ADGRL3: variants seen among roughly 807,000 people sequenced by gnomAD.
The protein encoded by ADGRL3 is adhesion G protein-coupled receptor L3, also known as calcium-independent alpha-latrotoxin receptor 3.
In ADGRL3, 62 loss-of-function variants were observed where a neutral mutation model predicts 153.5. The ratio of observed to expected loss-of-function variants is 0.40; its 90% CI spans 0.33 to 0.50. ADGRL3 has a LOEUF of 0.50. Ranked by LOEUF, ADGRL3 falls within the 20% of genes least tolerant of loss-of-function variation. The pLI is 0.47. For synonymous variants in ADGRL3, 710 were observed against 672.5 expected, an observed-to-expected ratio of 1.06 and a Z score of -0.86; for missense variants, 1,641 against 1,859.4, an observed-to-expected ratio of 0.88 and a Z score of 2.16.
intron 5 of ADGRL3, among the ~76,000 whole-genome samples, chr4:61,669,948 C>T (rs561512701): frequency 6.6e-6 from 1 of 152,144 alleles, no homozygotes; most frequent in Non-Finnish European, 1.5e-5. Flanking sequence ...GGTTTATTAA[C>T]CTAGAACCCC....
At chr4:61,414,659 T>A (rs947489341) in intron 2 of ADGRL3, among the ~76,000 whole-genome samples, 3 of 151,922 alleles carry the variant, frequency 2.0e-5, no homozygotes, top group Non-Finnish European at 4.4e-5. Flanking sequence ...AGTCAAAATA[T>A]GAGAATTGCT....
At chr4:61,469,413 C>G (rs570794945) in intron 2 of ADGRL3, among the ~76,000 whole-genome samples, 1 of 152,156 alleles carries the variant, frequency 6.6e-6, no homozygotes, top group South Asian at 2.1e-4. Flanking sequence ...GAAGCCATTT[C>G]TGACTAAGTA....
At chr4:61,994,926 T>TG (rs1291548984) in intron 19 of ADGRL3, among the ~76,000 whole-genome samples, 1 of 151,852 alleles carries the variant, frequency 6.6e-6, no homozygotes, top group East Asian at 1.9e-4. Context: ...CTTTTTTTTT[T>TG]TTTTGAGACA....
intron 8 of ADGRL3, among the ~76,000 whole-genome samples, chr4:61,795,844 ACTT>A (rs897481872): frequency 1.8e-4 from 27 of 151,998 alleles, no homozygotes; most frequent in African/African-American, 6.5e-4. Context: ...CTCATATCCT[ACTT>A]CTTTTTGTTT....
At chr4:61,219,069 A>G (rs572178102) in intron 1 of ADGRL3, among the ~76,000 whole-genome samples, 2 of 152,302 alleles carry the variant, frequency 1.3e-5, no homozygotes, top group South Asian at 2.1e-4. Context: ...ACTGCTTCTC[A>G]GCTAAGCAGC....
Position 61,353,500 on chromosome 4 carries a change from G to A in ADGRL3, c.-239-29624G>A, listed in dbSNP as rs190141804. Among the ~76,000 whole-genome samples the A allele has an allele frequency of 4.4e-3, 672 of 151,768 alleles. 3 individuals carry two copies. The highest frequency in any genetic ancestry group is 0.033 in the South Asian group (159 of 4,808). ...ATACATATATGTAAAAAGGCTATTA[G>A]TCTGTTCTCTGTTTTATCTAAAAGA... On this transcript the variant is annotated intron_variant, in intron 1 of 26. Transcript: ENST00000683033.
chr4:61,519,234 A>G (rs2098515725), intron 4 of ADGRL3, among the ~76,000 whole-genome samples: 1 of 152,182 alleles, frequency 6.6e-6, no homozygotes, highest in South Asian at 2.1e-4. Flanking sequence ...CCCAGTTTTT[A>G]TAGCTTAATA....
At chr4:61,348,845 T>C (rs1279244571) in intron 1 of ADGRL3, among the ~76,000 whole-genome samples, 2 of 152,040 alleles carry the variant, frequency 1.3e-5, no homozygotes, top group African/African-American at 4.8e-5. Context: ...TGTGTTTTAC[T>C]GCAATAGTTA....
intron 6 of ADGRL3, among the ~76,000 whole-genome samples, chr4:61,711,532 C>T (rs1228760443): frequency 8.4e-6 from 1 of 118,878 alleles, no homozygotes; most frequent in African/African-American, 3.2e-5. Flanking sequence ...GATTGTAGAA[C>T]TGTTAAAAGA....
intron 23 of ADGRL3, among the ~76,000 whole-genome samples, chr4:62,036,189 G>A (rs911566627): frequency 2.6e-5 from 4 of 152,118 alleles, no homozygotes; most frequent in African/African-American, 9.7e-5. Flanking sequence ...TGCCATACCA[G>A]AGCAGAGAAA....
intron 1 of ADGRL3, among the ~76,000 whole-genome samples, chr4:61,373,251 ACT>A (rs961760010): frequency 1.3e-5 from 2 of 151,402 alleles, no homozygotes; most frequent in Non-Finnish European, 3.0e-5. Context: ...GGCTCCTCTA[ACT>A]CTGTCGCTTT....
chr4:61,265,117 A>G (rs1356942032), intron 1 of ADGRL3, among the ~76,000 whole-genome samples: 1 of 151,990 alleles, frequency 6.6e-6, no homozygotes, highest in Admixed American at 6.6e-5. Flanking sequence ...GATGATCAGT[A>G]GTAGGTGTTA....
At chr4:61,487,807 A>G (rs2098213810) in intron 2 of ADGRL3, among the ~76,000 whole-genome samples, 3 of 152,076 alleles carry the variant, frequency 2.0e-5, no homozygotes. Flanking sequence ...CTATCTTACC[A>G]ATTGTATATA....
At chr4:62,015,128 C>T (rs1365883192) in intron 21 of ADGRL3, among the ~76,000 whole-genome samples, 1 of 152,188 alleles carries the variant, frequency 6.6e-6, no homozygotes, top group Non-Finnish European at 1.5e-5. Context: ...TCTTGAGCCG[C>T]TCAGTCCTCA....
intron 2 of ADGRL3, among the ~76,000 whole-genome samples, chr4:61,470,935 G>C (rs1269300428): frequency 6.6e-6 from 1 of 151,792 alleles, no homozygotes; most frequent in Non-Finnish European, 1.5e-5. Flanking sequence ...AAGTTGCAAA[G>C]AATATATTTT....
chr4:61,704,130 T>C (rs2095815655), intron 6 of ADGRL3, among the ~76,000 whole-genome samples: 1 of 152,168 alleles, frequency 6.6e-6, no homozygotes, highest in Admixed American at 6.5e-5. Flanking sequence ...TAATTGCTAA[T>C]GAAGTTCATG....
At chr4:61,370,996 G>T (rs1356285677) in intron 1 of ADGRL3, among the ~76,000 whole-genome samples, 1 of 150,946 alleles carries the variant, frequency 6.6e-6, no homozygotes, top group African/African-American at 2.4e-5. Context: ...GGCCTTCTTT[G>T]TCTCTTTTGA....
intron 2 of ADGRL3, among the ~76,000 whole-genome samples, chr4:61,476,336 T>C (rs2098051800): frequency 6.6e-6 from 1 of 152,030 alleles, no homozygotes; most frequent in Non-Finnish European, 1.5e-5. Flanking sequence ...CAAGCAATTC[T>C]CATGCCTCAG....
intron 4 of ADGRL3, among the ~76,000 whole-genome samples, chr4:61,548,186 T>C (rs1487207498): frequency 6.6e-6 from 1 of 152,144 alleles, no homozygotes; most frequent in African/African-American, 2.4e-5. Context: ...TATTAGACCT[T>C]TGTCAGATGC....
Sources: allele counts gnomAD v4.1 joint callset (sites outside exome capture counted in the v4.1 genomes callset), GRCh38; gene constraint gnomAD v4.1.1; transcripts MANE v1.5; gene names NCBI Gene and HGNC (gene_info 2026-07-23, HGNC 2026-07-21).